PIP4P2: variants seen among roughly 807,000 people sequenced by gnomAD.
The protein encoded by PIP4P2 is phosphatidylinositol-4,5-bisphosphate 4-phosphatase 2.
Under a neutral mutation model 33.3 loss-of-function variants are expected in PIP4P2, and 19 were observed. The ratio of observed to expected loss-of-function variants is 0.57; its 90% CI spans 0.40 to 0.84. PIP4P2 has a LOEUF of 0.84. Ranked by LOEUF, PIP4P2 falls within the 40% of genes least tolerant of loss-of-function variation. The pLI is 0.00. For missense variants in PIP4P2, 270 were observed against 324.7 expected, an observed-to-expected ratio of 0.83 and a Z score of 1.29; for synonymous variants, 110 against 111.9, an observed-to-expected ratio of 0.98 and a Z score of 0.11.
At chr8:91,022,486 G>A (rs950931466) in intron 1 of PIP4P2, among the ~76,000 whole-genome samples, 6 of 152,148 alleles carry the variant, frequency 3.9e-5, no homozygotes, top group Non-Finnish European at 5.9e-5. Flanking sequence ...AGGAATAGAA[G>A]ACTTTTCCAA....
At chr8:91,017,763 T>A (rs1289142292) in intron 4 of PIP4P2, among the ~76,000 whole-genome samples, 1 of 152,140 alleles carries the variant, frequency 6.6e-6, no homozygotes, top group African/African-American at 2.4e-5. Context: ...AGAAAACCTG[T>A]CCTTATCCTT....
At chr8:91,002,035 T>C (rs184900241) in intron 5 of PIP4P2, among the ~76,000 whole-genome samples, 412 of 152,286 alleles carry the variant, frequency 2.7e-3, no homozygotes, top group African/African-American at 8.9e-3. Context: ...GGTTGATTTC[T>C]TTTTCCTAAC....
chr8:91,027,967 C>T (rs1812105291), intron 1 of PIP4P2, among the ~76,000 whole-genome samples: 1 of 152,126 alleles, frequency 6.6e-6, no homozygotes, highest in African/African-American at 2.4e-5. Context: ...CCAATGCAGA[C>T]CAGACATTAC....
intron 1 of PIP4P2, among the ~76,000 whole-genome samples, chr8:91,032,318 T>C: frequency 6.6e-6 from 1 of 152,082 alleles, no homozygotes; most frequent in East Asian, 1.9e-4. Flanking sequence ...TCTAGAAAAG[T>C]TCAAAAGCAA....
intron 4 of PIP4P2, among the ~76,000 whole-genome samples, chr8:91,012,919 G>A (rs984829015): frequency 1.1e-4 from 16 of 152,204 alleles, no homozygotes; most frequent in African/African-American, 3.9e-4. Context: ...AGAATTCATT[G>A]CCAGATGATT....
intron 1 of PIP4P2, among the ~76,000 whole-genome samples, chr8:91,039,844 T>A (rs540957514): frequency 6.6e-6 from 1 of 152,220 alleles, no homozygotes; most frequent in Non-Finnish European, 1.5e-5. Flanking sequence ...ATAGATTCCA[T>A]ATTTCTCCAG....
At chr8:91,031,777 A>G (rs1261513060) in intron 1 of PIP4P2, among the ~76,000 whole-genome samples, 2 of 152,134 alleles carry the variant, frequency 1.3e-5, no homozygotes, top group African/African-American at 4.8e-5. Context: ...ACTGGAAGGA[A>G]TAGCTATTTA....
intron 4 of PIP4P2, among the ~76,000 whole-genome samples, chr8:91,009,681 C>T (rs895204388): frequency 5.3e-5 from 8 of 151,908 alleles, no homozygotes; most frequent in Non-Finnish European, 7.4e-5. Context: ...ATTCTAGATA[C>T]GGGGGTTTCA....
At chr8:91,040,487 G>A (rs915917897) in intron 1 of PIP4P2, among the ~76,000 whole-genome samples, 157 bp downstream of exon 1, 1 of 151,828 alleles carries the variant, frequency 6.6e-6, no homozygotes, top group African/African-American at 2.4e-5. Flanking sequence ...TATCAGGCAG[G>A]CGGGCTTGCC....
At chr8:90,998,273 C>T (rs1053510079) in intron 5 of PIP4P2, among the ~76,000 whole-genome samples, 13 of 151,984 alleles carry the variant, frequency 8.6e-5, no homozygotes, top group South Asian at 2.1e-4. Context: ...AATATTAGAG[C>T]GGCTTTTCTG....
At chr8:91,020,578 C>T (rs1364925591) in intron 2 of PIP4P2, among the ~76,000 whole-genome samples, 1 of 152,066 alleles carries the variant, frequency 6.6e-6, no homozygotes, top group African/African-American at 2.4e-5. Flanking sequence ...TAAAGCCTAA[C>T]TATGAAAGAA....
chr8:91,015,194 G>A (rs1811898330), intron 4 of PIP4P2, among the ~76,000 whole-genome samples: 1 of 152,048 alleles, frequency 6.6e-6, no homozygotes, highest in Admixed American at 6.6e-5. Context: ...CTGTCTCTCG[G>A]GCATATCTCC....
At chr8:91,033,842 C>T (rs1481227171) in intron 1 of PIP4P2, among the ~76,000 whole-genome samples, 1 of 152,162 alleles carries the variant, frequency 6.6e-6, no homozygotes, top group Non-Finnish European at 1.5e-5. Context: ...TACAATGGCA[C>T]AATCGCAGCT....
chr8:91,028,501 A>G (rs1171875869), intron 1 of PIP4P2, among the ~76,000 whole-genome samples: 1 of 152,200 alleles, frequency 6.6e-6, no homozygotes, highest in African/African-American at 2.4e-5. Flanking sequence ...GTGATAGATG[A>G]TGTCTTAGCC....
At chr8:91,016,844 T>TTACTATATTC (rs1221843119) in intron 4 of PIP4P2, 2 of 152,128 alleles carry the variant, frequency 1.3e-5, no homozygotes, top group African/African-American at 2.4e-5. Flanking sequence ...AATAGGTATT[T>TTACTATATTC]TATAGTTCTA....
chr8:91,040,826 C>G lies in PIP4P2; in HGVS notation c.-77G>C. 1 of 1,343,492 alleles carries G rather than the reference C, an allele frequency of 7.4e-7. No homozygotes were observed. Among genetic ancestry groups the G allele is most frequent in the East Asian group, 2.5e-5 (1 of 40,688 alleles). The allele number at this position is 1,343,492 out of a possible 1,614,324, so 83.2% of individuals were successfully genotyped here. A position where few individuals can be genotyped will look rare whatever the true frequency, so the allele number is the denominator to read the frequency against. ...GCGGAGTGGTGGCTACTGCTGCTGC[C>G]TCTGCTGCCGCTGCTGCCGCTGCAG... is the stretch of plus-strand genomic sequence containing the variant. On this transcript the variant is annotated 5_prime_UTR_variant, in exon 1 of 7. Transcript: ENST00000285419.
At chr8:91,011,913 G>C in intron 4 of PIP4P2, among the ~76,000 whole-genome samples, 1 of 151,806 alleles carries the variant, frequency 6.6e-6, no homozygotes, top group Admixed American at 6.6e-5. Flanking sequence ...GTTTTTTTCT[G>C]GGGGTAAAAT....
intron 6 of PIP4P2, 100 bp from the exon 7 acceptor site, chr8:90,995,920 C>A (rs1479404114): frequency 5.4e-6 from 7 of 1,303,866 alleles, no homozygotes; most frequent in Non-Finnish European, 2.0e-6. Context: ...ATGAAATATA[C>A]CCCCAGACCG....
Position 91,011,157 on chromosome 8 carries a change from A to G in PIP4P2, c.487-2362T>C, listed in dbSNP as rs1313548675. Among the ~76,000 whole-genome samples the G allele has an allele frequency of 2.6e-5, 4 of 152,084 alleles. No homozygotes were observed. The East Asian group carries it at 7.7e-4, about 29-fold the overall frequency. ...TCTGCTATGGCACCCATTTGTCCCTAGATACAAATGAAAAAAATCTGGCCC... is the reference window on the plus strand; with the variant it reads ...TCTGCTATGGCACCCATTTGTCCCTGGATACAAATGAAAAAAATCTGGCCC... On this transcript the variant is annotated intron_variant, in intron 4 of 6. Coordinates refer to ENST00000285419, the MANE Select transcript of PIP4P2 (RefSeq NM_018710.3).
Sources: allele counts gnomAD v4.1 joint callset (sites outside exome capture counted in the v4.1 genomes callset), GRCh38; gene constraint gnomAD v4.1.1; transcripts MANE v1.5; gene names NCBI Gene and HGNC (gene_info 2026-07-23, HGNC 2026-07-21).